The following DGKH variants were observed in gnomAD, a reference collection of about 807,000 sequenced individuals.
DGKH encodes the protein DAG kinase eta.
DGKH carries 90 observed loss-of-function variants against 159.3 expected under a neutral mutation model. That is an observed-to-expected ratio of 0.57 (90% CI 0.48 to 0.67). The LOEUF is 0.67. DGKH is among the 30% of genes least tolerant of loss of function. The pLI is 0.00. For missense variants in DGKH, 1,181 were observed against 1,506.1 expected (o/e 0.78, Z 3.57); for synonymous variants, 536 against 553.8 (o/e 0.97, Z 0.45).
exon 31 of DGKH, chr13:42,256,502 G>A (rs1958658264): frequency 3.0e-6 from 3 of 995,766 alleles, no homozygotes; most frequent in Non-Finnish European, 4.9e-6. Flanking sequence ...TGATGAACAG[G>A]TAAAAACTAA....
chr13:42,051,430 A>G (rs1881290639), intron 1 of DGKH, among the ~76,000 whole-genome samples: 1 of 152,118 alleles, frequency 6.6e-6, no homozygotes, highest in Non-Finnish European at 1.5e-5. Flanking sequence ...TTTATCACAT[A>G]TACTGATTCT....
At chr13:42,071,739 G>C (rs779723184) in intron 1 of DGKH, among the ~76,000 whole-genome samples, 12 of 152,188 alleles carry the variant, frequency 7.9e-5, no homozygotes, top group Non-Finnish European at 1.6e-4. Flanking sequence ...GGACTTCTCT[G>C]ACTCATCAAG....
intron 28 of DGKH, among the ~76,000 whole-genome samples, chr13:42,220,081 T>C (rs1445267621): frequency 2.0e-5 from 3 of 152,216 alleles, no homozygotes; most frequent in African/African-American, 7.2e-5. Flanking sequence ...GTTGCTAATT[T>C]GCTTCTACTT....
chr13:42,054,935 C>T (rs780131384), intron 1 of DGKH, among the ~76,000 whole-genome samples: 2 of 152,072 alleles, frequency 1.3e-5, no homozygotes, highest in Non-Finnish European at 2.9e-5. Flanking sequence ...CATAAAACAG[C>T]CATAGACAAT....
At chr13:42,248,138 G>T (rs1386177924) in intron 29 of DGKH, among the ~76,000 whole-genome samples, 4 of 152,060 alleles carry the variant, frequency 2.6e-5, no homozygotes, top group Non-Finnish European at 5.9e-5. Flanking sequence ...TGAATTAAGT[G>T]TCCTATACAG....
At chr13:42,144,947 A>G (rs1398438209) in intron 3 of DGKH, among the ~76,000 whole-genome samples, 1 of 152,214 alleles carries the variant, frequency 6.6e-6, no homozygotes, top group Non-Finnish European at 1.5e-5. Flanking sequence ...AAGCTCACCT[A>G]GAACAGTGTT....
chr13:42,188,373 T>C (rs1274401338), intron 14 of DGKH, among the ~76,000 whole-genome samples: 2 of 152,230 alleles, frequency 1.3e-5, no homozygotes, highest in African/African-American at 4.8e-5. Flanking sequence ...CATGCTTTTC[T>C]TTCTGTATCC....
At chr13:42,200,020 A>C in intron 20 of DGKH, 111 bp downstream of exon 20, 1 of 858,362 alleles carries the variant, frequency 1.2e-6, no homozygotes, top group Non-Finnish European at 1.7e-6. Context: ...ATAAATATTC[A>C]AGGGGAAAAA....
At position 42,240,649 on chromosome 13, in the gene DGKH, A is replaced by T. The variant is rs930082431; in HGVS notation, c.*11461A>T. On this transcript the variant is annotated 3_prime_UTR_variant, in exon 30 of 30. Coordinates refer to ENST00000337343, the MANE Select transcript of DGKH (RefSeq NM_178009.5). ...TCAGGTTATTTAGAGTTATTAATGT[A>T]AACATAAGAAGGCTTGTGACTCTTA... 1 of 152,204 alleles carries T rather than the reference A, an allele frequency of 6.6e-6. No homozygotes were observed. Among genetic ancestry groups the T allele is most frequent in the Non-Finnish European group, 1.5e-5 (1 of 68,030 alleles). The allele number at this position is 152,204 out of a possible 1,614,324, so 9.4% of individuals were successfully genotyped here. A position where few individuals can be genotyped will look rare whatever the true frequency, so the allele number is the denominator to read the frequency against.
In DGKH at chr13:42,148,787, C is replaced by G. The variant is rs377489137; in HGVS notation, c.385-6504C>G. On this transcript the variant is annotated intron_variant, in intron 3 of 29. Transcript: ENST00000337343. ...TTGTCACATCACGCTGTTTATAATG[C>G]CCAGCCCCTGCCTGATCTCTCTTCT... 2.6e-5 allele frequency among the ~76,000 whole-genome samples: 4 copies of G among 152,154 alleles called. 1 individual carries two copies. The East Asian group carries it at 5.8e-4, about 22-fold the overall frequency.
At chr13:42,052,057 GTTC>G (rs1471642344) in intron 1 of DGKH, among the ~76,000 whole-genome samples, 2 of 152,182 alleles carry the variant, frequency 1.3e-5, no homozygotes, top group Non-Finnish European at 2.9e-5. Flanking sequence ...GCTTCATATG[GTTC>G]AATCTAATAT....
At chr13:42,255,126 C>A (rs1048580200) in intron 30 of DGKH, among the ~76,000 whole-genome samples, 2 of 149,238 alleles carry the variant, frequency 1.3e-5, no homozygotes, top group African/African-American at 4.9e-5. Context: ...CATTATATTT[C>A]TATTAGACTG....
chr13:42,069,336 T>G (rs1054936197), intron 1 of DGKH: 1 of 1,309,162 alleles, frequency 7.6e-7, no homozygotes, highest in African/African-American at 1.5e-5. Flanking sequence ...GTACAAAGTT[T>G]CTAATTGAGC....
chr13:42,207,127 TTCCTTCCTTCCTTCCTTCC>T (rs1566192562), intron 21 of DGKH, among the ~76,000 whole-genome samples: 5,440 of 58,012 alleles, frequency 0.094, 638 homozygotes, highest in Admixed American at 0.14. Flanking sequence ...TTCTCTCTCC[TTCCTTCCTTCCTTCCTTCC>T]TTCCTTCCTT....
chr13:42,209,726 C>T (rs1446302468), intron 23 of DGKH, among the ~76,000 whole-genome samples: 1 of 152,156 alleles, frequency 6.6e-6, no homozygotes, highest in Admixed American at 6.6e-5. Flanking sequence ...CCCCCTTCTT[C>T]CCTACACATG....
At chr13:42,147,912 A>G (rs1465672021) in intron 3 of DGKH, among the ~76,000 whole-genome samples, 3 of 152,200 alleles carry the variant, frequency 2.0e-5, no homozygotes, top group Admixed American at 6.5e-5. Flanking sequence ...TATTATTATT[A>G]CTAGCCAGCA....
intron 1 of DGKH, among the ~76,000 whole-genome samples, chr13:42,049,813 T>A (rs1881133408): frequency 6.6e-6 from 1 of 152,216 alleles, no homozygotes. Context: ...TTTAATTTGA[T>A]CATGAACATA....
At position 42,199,636 on chromosome 13, in the gene DGKH, G is replaced by C; in HGVS notation, c.2356G>C (p.Glu786Gln). 6.2e-7 allele frequency: 1 copy of C among 1,605,030 alleles called. No individual in the cohort carries two copies. The highest frequency in any genetic ancestry group is 1.3e-5 in the African/African-American group (1 of 74,520). The change falls in exon 19 of 30, where the codon GAA becomes CAA. Residue 786 changes from glutamate (E) to glutamine (Q), a missense_variant. By Grantham distance (29) the Glu-to-Gln change is conservative. Around this residue, in one of 5 missense-constraint regions of DGKH, gnomAD observed 335 missense variants for 495.2 expected, o/e 0.68. Coordinates refer to ENST00000337343, the MANE Select transcript of DGKH (RefSeq NM_178009.5). ...GIGLDAKISLEFNNKREEHPE... is the reference protein window; with the variant it reads ...GIGLDAKISLQFNNKREEHPE... ...TGGATTAGATGCAAAAATTTCATTAGAATTTAATAATAAAAGAGAGGAGCA... is the reference window on the plus strand; with the variant it reads ...TGGATTAGATGCAAAAATTTCATTACAATTTAATAATAAAAGAGAGGAGCA...
In DGKH at chr13:42,219,702, G is replaced by A; in HGVS notation, c.3350G>A (p.Cys1117Tyr). Reference protein sequence around the residue: ...PNEDEEPPMDCTKRNNRSTVF... With the variant: ...PNEDEEPPMDYTKRNNRSTVF... ...TTTGAACAGGAACCTCCTATGGATT[G>A]CACCAAAAGGAACAACAGAAGCACC... The change falls in exon 28 of 30, where the codon TGC (cysteine) becomes TAC (tyrosine). Residue 1117 changes from cysteine (C) to tyrosine (Y), a missense_variant. By Grantham distance (194) the Cys-to-Tyr change is radical. Around this residue, in one of 5 missense-constraint regions of DGKH, gnomAD observed 335 missense variants for 495.2 expected, o/e 0.68. Transcript: ENST00000337343. 6.2e-7 allele frequency: 1 copy of A among 1,613,572 alleles called. No individual in the cohort carries two copies. Among genetic ancestry groups the A allele is most frequent in the Non-Finnish European group, 8.5e-7 (1 of 1,179,722 alleles).
Sources: gnomAD v4.1 joint callset for allele counts (sites outside exome capture counted in the v4.1 genomes callset) on GRCh38, gnomAD v4.1.1 for gene constraint, gnomAD v4.1.1 regional missense constraint, MANE v1.5 for transcripts, NCBI Gene and HGNC (gene_info 2026-07-23, HGNC 2026-07-21) for gene names.